C8orf34: variants seen among roughly 807,000 people sequenced by gnomAD.
C8orf34 encodes chromosome 8 open reading frame 34.
Under a neutral mutation model 68.3 loss-of-function variants are expected in C8orf34, and 65 were observed. The ratio of observed to expected loss-of-function variants is 0.95; its 90% CI spans 0.78 to 1.17. The LOEUF is 1.17. C8orf34 is among the 50% of genes most tolerant of loss of function. C8orf34 has a pLI of 0.00. For synonymous variants in C8orf34, 244 were observed against 241.2 expected (o/e 1.01, Z -0.11); for missense variants, 664 against 655.4 (o/e 1.01, Z -0.14).
intron 8 of C8orf34, among the ~76,000 whole-genome samples, chr8:68,702,254 C>T (rs925223173): frequency 6.6e-6 from 1 of 152,100 alleles, no homozygotes; most frequent in African/African-American, 2.4e-5. Context: ...CTGCTCTTCT[C>T]TTGCTGGATT....
chr8:68,638,786 A>C (rs910158530), intron 7 of C8orf34, among the ~76,000 whole-genome samples: 2 of 152,008 alleles, frequency 1.3e-5, no homozygotes, highest in African/African-American at 4.8e-5. Context: ...AGAGGACTAT[A>C]TTTCATAGTC....
At chr8:68,814,008 C>T (rs1419232893) in intron 12 of C8orf34, among the ~76,000 whole-genome samples, 2 of 152,142 alleles carry the variant, frequency 1.3e-5, no homozygotes, top group Admixed American at 6.5e-5. Context: ...TGTCACAAAC[C>T]TCCTTCCCTT....
At chr8:68,780,028 A>C (rs1823630496) in intron 11 of C8orf34, among the ~76,000 whole-genome samples, 1 of 152,198 alleles carries the variant, frequency 6.6e-6, no homozygotes, top group Non-Finnish European at 1.5e-5. Flanking sequence ...AATGATTTCA[A>C]AGAATTAAAC....
chr8:68,768,759 CT>C, intron 10 of C8orf34, among the ~76,000 whole-genome samples: 1 of 152,128 alleles, frequency 6.6e-6, no homozygotes, highest in Non-Finnish European at 1.5e-5. Flanking sequence ...GATATAGCCT[CT>C]GCATACTACA....
At chr8:68,353,638 T>A (rs60740294) in intron 1 of C8orf34, among the ~76,000 whole-genome samples, 29,423 of 68,586 alleles carry the variant, frequency 0.43, 4,264 homozygotes, top group African/African-American at 0.6. Context: ...ATATATATAT[T>A]ATATATATAT....
intron 10 of C8orf34, among the ~76,000 whole-genome samples, chr8:68,744,642 A>C (rs573892337): frequency 1.1e-4 from 17 of 152,350 alleles, no homozygotes; most frequent in African/African-American, 4.1e-4. Context: ...CAGCGATGGA[A>C]GATGAAATGA....
At chr8:68,789,349 A>G (rs1823929314) in intron 12 of C8orf34, among the ~76,000 whole-genome samples, 1 of 152,248 alleles carries the variant, frequency 6.6e-6, no homozygotes, top group Non-Finnish European at 1.5e-5. Flanking sequence ...GCTATATTTT[A>G]TAATAAACTA....
chr8:68,791,088 C>A (rs1823981612), intron 12 of C8orf34: 3 of 569,208 alleles, frequency 5.3e-6, no homozygotes, highest in Admixed American at 3.2e-5. Context: ...AGAAGACATG[C>A]AAGACAGTGT....
chr8:68,367,907 GAAAAGAAA>G (rs1807361725), intron 1 of C8orf34, among the ~76,000 whole-genome samples: 1 of 15,028 alleles, frequency 6.7e-5, no homozygotes, highest in Non-Finnish European at 1.3e-4. Context: ...AATAAAAAAA[GAAAAGAAA>G]AAAAAAAAAA....
At chr8:68,488,188 AGTTAAATGCATATT>A (rs1813157077) in intron 5 of C8orf34, 137 bp downstream of exon 5, 1 of 582,736 alleles carries the variant, frequency 1.7e-6, no homozygotes, top group South Asian at 2.8e-5. Flanking sequence ...AAACTTTGAA[AGTTAAATGCATATT>A]GTTTTATGAA....
At chr8:68,517,699 T>C (rs182757615) in intron 5 of C8orf34, among the ~76,000 whole-genome samples, 2 of 152,300 alleles carry the variant, frequency 1.3e-5, no homozygotes, top group African/African-American at 2.4e-5. Flanking sequence ...TTTCTGATTA[T>C]ACCCAACTCT....
chr8:68,378,536 C>T (rs572850609), intron 1 of C8orf34, among the ~76,000 whole-genome samples: 1 of 152,278 alleles, frequency 6.6e-6, no homozygotes, highest in African/African-American at 2.4e-5. Context: ...GATTCTCCTG[C>T]CTCAGCCTCC....
chr8:68,530,885 G>A (rs1815214621), intron 6 of C8orf34, among the ~76,000 whole-genome samples: 1 of 151,984 alleles, frequency 6.6e-6, no homozygotes. Context: ...ACATGTGTAT[G>A]TTTTCATATA....
chr8:68,479,086 G>T (rs1812745438), intron 4 of C8orf34, among the ~76,000 whole-genome samples: 1 of 152,084 alleles, frequency 6.6e-6, no homozygotes, highest in Non-Finnish European at 1.5e-5. Flanking sequence ...TGCAATAGAA[G>T]AGAAAAGATG....
At chr8:68,488,145 G>A in intron 5 of C8orf34, 94 bp downstream of exon 5, 1 of 888,246 alleles carries the variant, frequency 1.1e-6, no homozygotes, top group Non-Finnish European at 1.7e-6. Context: ...AACATAAAAT[G>A]TTCAAGTATA....
chr8:68,709,121 C>A, intron 9 of C8orf34, 42 bp downstream of exon 9: 1 of 1,438,314 alleles, frequency 7.0e-7, no homozygotes, highest in Non-Finnish European at 9.7e-7. Flanking sequence ...GTTCTAGTGG[C>A]ACTTAAAGAT....
intron 3 of C8orf34, among the ~76,000 whole-genome samples, chr8:68,452,323 C>A (rs1027566236): frequency 6.6e-6 from 1 of 151,176 alleles, no homozygotes; most frequent in Admixed American, 6.6e-5. Flanking sequence ...CGAGGAGCTG[C>A]CAACTTTTTT....
intron 8 of C8orf34, among the ~76,000 whole-genome samples, chr8:68,649,596 C>A (rs1295092472): frequency 6.6e-6 from 1 of 152,162 alleles, no homozygotes; most frequent in Non-Finnish European, 1.5e-5. Flanking sequence ...CAAATGCCAG[C>A]CAGAAACTGG....
intron 4 of C8orf34, among the ~76,000 whole-genome samples, chr8:68,481,352 A>AC (rs58952904): frequency 0.68 from 103,353 of 151,744 alleles, 35,726 homozygotes; most frequent in East Asian, 0.88. Context: ...CTCATGGATA[A>AC]CTCTACTAGG....
Sources: allele counts gnomAD v4.1 joint callset (sites outside exome capture counted in the v4.1 genomes callset), GRCh38; gene constraint gnomAD v4.1.1; transcripts MANE v1.5; gene names NCBI Gene and HGNC (gene_info 2026-07-23, HGNC 2026-07-21).